COBLL1: variants seen among roughly 807,000 people sequenced by gnomAD.
The protein encoded by COBLL1 is cordon-bleu WH2 repeat protein like 1.
COBLL1 carries 50 observed loss-of-function variants against 94.8 expected under a neutral mutation model. That is an observed-to-expected ratio of 0.53 (90% confidence interval 0.42 to 0.67). The LOEUF is 0.67. Among genes scored for constraint, COBLL1 ranks in the 30% least tolerant of loss-of-function variants. The probability of loss-of-function intolerance (pLI) is 0.00; values close to 1 mark genes in which losing one functional copy is unlikely to be tolerated. For synonymous variants in COBLL1, 448 were observed against 473.8 expected, an observed-to-expected ratio of 0.95 and a Z score of 0.71; for missense variants, 1,362 against 1,348.7, an observed-to-expected ratio of 1.01 and a Z score of -0.15.
intron 2 of COBLL1, among the ~76,000 whole-genome samples, chr2:164,802,883 A>C (rs1308710764): frequency 6.6e-6 from 1 of 152,168 alleles, no homozygotes; most frequent in Non-Finnish European, 1.5e-5. Flanking sequence ...AAACTGAAAA[A>C]TGAATAATTA....
intron 2 of COBLL1, among the ~76,000 whole-genome samples, chr2:164,805,976 C>A (rs1319832414): frequency 6.6e-6 from 1 of 152,182 alleles, no homozygotes; most frequent in Non-Finnish European, 1.5e-5. Context: ...TCTACACTCT[C>A]TCCAGCATTT....
intron 5 of COBLL1, among the ~76,000 whole-genome samples, chr2:164,726,004 T>C (rs1428506274): frequency 3.9e-5 from 6 of 152,198 alleles, no homozygotes; most frequent in African/African-American, 1.4e-4. Context: ...ATTGACCTTG[T>C]AGATTCTGAT....
chr2:164,752,001 G>A (rs1687149676), intron 2 of COBLL1, among the ~76,000 whole-genome samples: 3 of 152,056 alleles, frequency 2.0e-5, no homozygotes, highest in Admixed American at 1.3e-4. Context: ...TTAGGAATGG[G>A]ACTCAACTTT....
At chr2:164,751,421 G>T (rs1687119485) in intron 2 of COBLL1, among the ~76,000 whole-genome samples, 1 of 152,062 alleles carries the variant, frequency 6.6e-6, no homozygotes, top group African/African-American at 2.4e-5. Context: ...GGGAGGGAAG[G>T]TCATATTAGT....
chr2:164,686,151 T>C lies in COBLL1; in HGVS notation c.3301-119A>G, dbSNP rs536744034. 2.4e-5 allele frequency: 12 copies of C among 509,150 alleles called. No homozygotes were observed. In the East Asian group the frequency reaches 3.0e-4, roughly 13 times the overall value. The allele number at this position is 509,150 out of a possible 1,614,324, so 31.5% of individuals were successfully genotyped here. A position where few individuals can be genotyped will look rare whatever the true frequency, so the allele number is the denominator to read the frequency against. ...CTTAATTGTAAATGATAAGTATCTA[T>C]TATTCAATAAATTATAATCAAGAAT... On this transcript the variant is annotated intron_variant, in intron 13 of 13. Transcript: ENST00000652658.
intron 2 of COBLL1, among the ~76,000 whole-genome samples, chr2:164,813,475 C>T (rs1386374953): frequency 6.6e-6 from 1 of 152,080 alleles, no homozygotes; most frequent in African/African-American, 2.4e-5. Context: ...CATCATGTAA[C>T]CAGCTACCAT....
chr2:164,793,409 T>G (rs1159488609), intron 2 of COBLL1, among the ~76,000 whole-genome samples: 4 of 152,116 alleles, frequency 2.6e-5, no homozygotes, highest in African/African-American at 9.7e-5. Flanking sequence ...TACACAAATC[T>G]CATAAATTTA....
intron 2 of COBLL1, among the ~76,000 whole-genome samples, chr2:164,783,898 C>T (rs773346478): frequency 1.3e-5 from 2 of 152,032 alleles, no homozygotes; most frequent in African/African-American, 2.4e-5. Flanking sequence ...CCTGGGAGAT[C>T]GAGCCTTCAG....
At chr2:164,702,574 A>AAAT (rs1553469783) in intron 9 of COBLL1, among the ~76,000 whole-genome samples, 2,150 of 147,066 alleles carry the variant, frequency 0.015, 21 homozygotes, top group South Asian at 0.025. Flanking sequence ...AAAAAAAAAA[A>AAAT]AAATAATAAT....
At chr2:164,660,019 A>T (rs1268001527) in intron 2 of COBLL1, among the ~76,000 whole-genome samples, 1 of 152,226 alleles carries the variant, frequency 6.6e-6, no homozygotes, top group Non-Finnish European at 1.5e-5. Context: ...GTCCTGCAGA[A>T]TACAGTTTAT....
At chr2:164,709,353 T>A (rs963195552) in intron 7 of COBLL1, among the ~76,000 whole-genome samples, 2 of 152,174 alleles carry the variant, frequency 1.3e-5, no homozygotes, top group African/African-American at 4.8e-5. Flanking sequence ...CCTTACCATG[T>A]TGTGCATGGG....
At chr2:164,725,701 G>A (rs997171829) in intron 5 of COBLL1, among the ~76,000 whole-genome samples, 2 of 152,140 alleles carry the variant, frequency 1.3e-5, no homozygotes, top group Non-Finnish European at 2.9e-5. Flanking sequence ...TGATAGGTGT[G>A]AGCCACCGTG....
intron 5 of COBLL1, chr2:164,724,364 C>T (rs1685613035): frequency 6.6e-6 from 1 of 151,950 alleles, no homozygotes; most frequent in African/African-American, 2.4e-5. Context: ...CTAGATTTAA[C>T]CATCAATTTA....
intron 2 of COBLL1, among the ~76,000 whole-genome samples, chr2:164,830,480 A>G (rs774139161): frequency 7.2e-5 from 11 of 152,210 alleles, no homozygotes; most frequent in Non-Finnish European, 1.3e-4. Flanking sequence ...TGAAAATCTC[A>G]AAGTGTTGCA....
upstream of COBLL1, chr2:164,842,051 G>A: frequency 1.3e-6 from 2 of 1,528,528 alleles, no homozygotes; most frequent in Admixed American, 2.0e-5. Context: ...GCATTGGAGC[G>A]AGGGAAGCAG....
intron 2 of COBLL1, among the ~76,000 whole-genome samples, chr2:164,756,830 A>T (rs77095717): frequency 7.2e-5 from 11 of 152,352 alleles, no homozygotes; most frequent in Non-Finnish European, 1.5e-4. Flanking sequence ...ATAAAAATCA[A>T]GATTCAGAGT....
chr2:164,734,673 G>A (rs1686205470), intron 3 of COBLL1, among the ~76,000 whole-genome samples: 1 of 152,160 alleles, frequency 6.6e-6, no homozygotes, highest in Non-Finnish European at 1.5e-5. Flanking sequence ...TAGGATTGAA[G>A]CTAATGCAGA....
intron 2 of COBLL1, among the ~76,000 whole-genome samples, chr2:164,818,690 A>G (rs1271480101): frequency 1.4e-5 from 2 of 147,016 alleles, no homozygotes; most frequent in Non-Finnish European, 3.0e-5. Context: ...TATATAGTGT[A>G]TATGTACTTA....
chr2:164,820,226 C>A (rs1251185309), intron 2 of COBLL1, among the ~76,000 whole-genome samples: 2 of 150,006 alleles, frequency 1.3e-5, no homozygotes, highest in Non-Finnish European at 3.0e-5. Context: ...TCCTTACCCC[C>A]ACTTTTGTTT....
Sources: allele counts gnomAD v4.1 joint callset (sites outside exome capture counted in the v4.1 genomes callset), GRCh38; gene constraint gnomAD v4.1.1; transcripts MANE v1.5; gene names NCBI Gene and HGNC (gene_info 2026-07-23, HGNC 2026-07-21).